The following PAX3 variants were observed in gnomAD, a reference collection of about 807,000 sequenced individuals.
PAX3 encodes paired box protein Pax-3.
Under a neutral mutation model 51.6 loss-of-function variants are expected in PAX3, and 14 were observed. The observed-to-expected ratio is 0.27, with a 90% CI of 0.18 to 0.42. The LOEUF (loss-of-function observed/expected upper bound fraction) is 0.42. Among genes scored for constraint, PAX3 ranks in the 10% least tolerant of loss-of-function variants. The pLI is 1.00. For synonymous variants in PAX3, 280 were observed against 253.4 expected, an observed-to-expected ratio of 1.11 and a Z score of -1.00; for missense variants, 540 against 642.8, an observed-to-expected ratio of 0.84 and a Z score of 1.73.
At chr2:222,222,149 A>G (rs1692219208) in intron 5 of PAX3, among the ~76,000 whole-genome samples, 1 of 152,122 alleles carries the variant, frequency 6.6e-6, no homozygotes, top group Non-Finnish European at 1.5e-5. Context: ...TCAAAGCCCA[A>G]GTATTTTGTA....
At chr2:222,298,393 T>A in intron 1 of PAX3, 138 bp downstream of exon 1, 1 of 681,408 alleles carries the variant, frequency 1.5e-6, no homozygotes, top group Non-Finnish European at 2.6e-6. Context: ...CGCCCCCGAC[T>A]GGTGCTTCTT....
intron 4 of PAX3, among the ~76,000 whole-genome samples, chr2:222,257,123 A>G (rs1217942189): frequency 2.6e-5 from 4 of 152,188 alleles, no homozygotes; most frequent in African/African-American, 7.2e-5. Flanking sequence ...ATATTTTACA[A>G]TGTCTATGCT....
At chr2:222,212,515 C>T (rs974904810) in intron 7 of PAX3, among the ~76,000 whole-genome samples, 5 of 151,914 alleles carry the variant, frequency 3.3e-5, no homozygotes, top group African/African-American at 4.8e-5. Context: ...TTACTGAATT[C>T]GAGCTAAATG....
rs763731361 is a variant in PAX3, at chr2:222,298,945, G to C, written c.-330C>G. 1 of 477,448 alleles carries C rather than the reference G, an allele frequency of 2.1e-6. No homozygotes were observed. The highest frequency in any genetic ancestry group is 2.2e-5 in the South Asian group (1 of 44,632). The allele number at this position is 477,448 out of a possible 1,614,324, so 29.6% of individuals were successfully genotyped here. A position where few individuals can be genotyped will look rare whatever the true frequency, so the allele number is the denominator to read the frequency against. ...AGAGCCACGGCGAGCCGGGGAGCCT[G>C]GTGAGGCTGGAGCGCGGCCTGCCTG... is the stretch of plus-strand genomic sequence containing the variant. On this transcript the variant is annotated 5_prime_UTR_variant, in exon 1 of 9. Coordinates refer to ENST00000392070, the MANE Select transcript of PAX3 (RefSeq NM_181458.4).
At chr2:222,232,702 T>C (rs1692643236) in intron 4 of PAX3, among the ~76,000 whole-genome samples, 1 of 152,186 alleles carries the variant, frequency 6.6e-6, no homozygotes, top group South Asian at 2.1e-4. Context: ...TCGTGTCTAA[T>C]GAATGGATCA....
rs542662595 is a variant in PAX3 at position 222,298,590 on chromosome 2, G to A, written c.26C>T (p.Pro9Leu). 2 of 1,608,398 alleles carry A rather than the reference G, an allele frequency of 1.2e-6. No homozygotes were observed. Among genetic ancestry groups the A allele is most frequent in the East Asian group, 2.2e-5 (1 of 44,610 alleles). Residue 9 changes from proline (P) to leucine (L), a missense_variant, in exon 1 of 9, where the codon CCC (proline) becomes CTC (leucine). By Grantham distance (98) the Pro-to-Leu change is moderately conservative. Coordinates refer to ENST00000392070, the MANE Select transcript of PAX3 (RefSeq NM_181458.4). The stretch of plus-strand genomic sequence containing the variant: ...CCCCGGGCCCGGCCGCATCATCCTG[G>A]GCACAGCGCCGGCCAGCGTGGTCAT... MTTLAGAV[P>L]RMMRPGPGQN... is the part of the protein sequence containing the mutation.
intron 4 of PAX3, among the ~76,000 whole-genome samples, chr2:222,274,752 C>A (rs187889008): frequency 6.6e-6 from 1 of 152,144 alleles, no homozygotes; most frequent in African/African-American, 2.4e-5. Flanking sequence ...AATCAATACT[C>A]AGATGGAGTA....
chr2:222,292,172 T>C (rs1042427939), intron 4 of PAX3, among the ~76,000 whole-genome samples: 1 of 152,210 alleles, frequency 6.6e-6, no homozygotes, highest in Non-Finnish European at 1.5e-5. Flanking sequence ...GAAGAGTCCA[T>C]AAAACTTCCC....
At chr2:222,201,817 CAAAAAAA>C in intron 8 of PAX3, 120 bp downstream of exon 8, 1 of 1,448,470 alleles carries the variant, frequency 6.9e-7, no homozygotes. Context: ...GCTGGCTTTG[CAAAAAAA>C]AAAAAAAATT....
intron 4 of PAX3, among the ~76,000 whole-genome samples, chr2:222,243,605 A>G (rs943708658): frequency 6.6e-6 from 1 of 152,232 alleles, no homozygotes; most frequent in Non-Finnish European, 1.5e-5. Flanking sequence ...TAGATATGTT[A>G]TTTACTAAGA....
rs45618831 is a variant in PAX3, at chr2:222,294,413, C to T, written c.452-112G>A. 646 of 1,152,026 alleles carry T rather than the reference C, an allele frequency of 5.6e-4. 3 individuals carry two copies. The African/African-American group carries it at 7.5e-3, about 13-fold the overall frequency. The allele number at this position is 1,152,026 out of a possible 1,614,324, so 71.4% of individuals were successfully genotyped here. ...ACCAGCCAGGGCCCTAGAGCCGCTGCCCTGCACTGCTCGCGGGTGTCTCCT... is the reference window on the plus strand; with the variant it reads ...ACCAGCCAGGGCCCTAGAGCCGCTGTCCTGCACTGCTCGCGGGTGTCTCCT... On this transcript the variant is annotated intron_variant, in intron 3 of 8. Coordinates refer to ENST00000392070, the MANE Select transcript of PAX3 (RefSeq NM_181458.4).
Position 222,298,901 on chromosome 2 carries a change from C to T in PAX3, c.-286G>A. On this transcript the variant is annotated 5_prime_UTR_variant, in exon 1 of 9. Transcript: ENST00000392070. ...GGGCAAATGTTCCAGCGACTGGGGT[C>T]CCTGAAAAGGGGGCTCAGAGAGCCA... is the stretch of plus-strand genomic sequence containing the variant. The T allele has an allele frequency of 3.7e-6, 2 of 534,314 alleles. No individual in the cohort carries two copies. The highest frequency in any genetic ancestry group is 2.1e-5 in the South Asian group (1 of 46,784). 33.1% of individuals were successfully genotyped at this position (534,314 alleles called of 1,614,324 possible). A position where few individuals can be genotyped will look rare whatever the true frequency, so the allele number is the denominator to read the frequency against.
chr2:222,237,980 C>G (rs1046116802), intron 4 of PAX3, among the ~76,000 whole-genome samples: 6 of 152,206 alleles, frequency 3.9e-5, no homozygotes. Context: ...AGTATTTCAA[C>G]TCTGTGCTTT....
intron 5 of PAX3, among the ~76,000 whole-genome samples, chr2:222,231,304 C>A (rs1215921353): frequency 6.6e-6 from 1 of 152,154 alleles, no homozygotes; most frequent in Non-Finnish European, 1.5e-5. Flanking sequence ...TTCGAGGATA[C>A]CCTACGATAT....
intron 4 of PAX3, among the ~76,000 whole-genome samples, chr2:222,278,255 T>G (rs1694501635): frequency 6.6e-6 from 1 of 152,106 alleles, no homozygotes; most frequent in Non-Finnish European, 1.5e-5. Flanking sequence ...CTCTGGAGAT[T>G]TAAGCCTCTG....
chr2:222,239,331 T>TTTG (rs1457338477), intron 4 of PAX3, among the ~76,000 whole-genome samples: 2 of 149,748 alleles, frequency 1.3e-5, no homozygotes, highest in Admixed American at 1.3e-4. Context: ...TGGGGTGGGT[T>TTTG]TTTTTTTCAG....
Position 222,202,009 on chromosome 2 carries a change from G to A in PAX3, c.1355C>T (p.Thr452Ile). ...LPTSQSYCPP[T>I]YSTTGYSMDP... The stretch of plus-strand genomic sequence containing the variant: ...CATACTGTAGCCTGTGGTGCTATAG[G>A]TGGGTGGACAGTAGGACTGAGATGT... The change falls in exon 8 of 9, where the codon ACC (threonine) becomes ATC (isoleucine). Residue 452 changes from threonine (T) to isoleucine (I), a missense_variant. Transcript: ENST00000392070. 2 of 1,614,090 alleles carry A rather than the reference G, an allele frequency of 1.2e-6. No homozygotes were observed. Among genetic ancestry groups the A allele is most frequent in the Non-Finnish European group, 1.7e-6 (2 of 1,179,998 alleles).
intron 7 of PAX3, among the ~76,000 whole-genome samples, chr2:222,209,902 A>T (rs1691661409): frequency 6.6e-6 from 1 of 151,830 alleles, no homozygotes; most frequent in Admixed American, 6.6e-5. Flanking sequence ...AAAAAAATTA[A>T]ATTTAATCAA....
At chr2:222,297,331 G>A (rs1230600559) in intron 1 of PAX3, 118 bp from the exon 2 acceptor site, 1 of 774,336 alleles carries the variant, frequency 1.3e-6, no homozygotes, top group Non-Finnish European at 2.3e-6. Context: ...CAGCACCGAC[G>A]CTGAAACTGC....
Sources: gnomAD v4.1 joint callset for allele counts (sites outside exome capture counted in the v4.1 genomes callset) on GRCh38, gnomAD v4.1.1 for gene constraint, MANE v1.5 for transcripts, NCBI Gene and HGNC (gene_info 2026-07-23, HGNC 2026-07-21) for gene names.